The following ANO4 variants were observed in gnomAD, a reference collection of about 807,000 sequenced individuals.
ANO4 encodes the protein anoctamin 4, also known as anoctamin-4.
A neutral mutation model predicts 141.9 loss-of-function variants in ANO4; 69 were observed. The observed-to-expected ratio is 0.49, with a 90% CI of 0.40 to 0.59. The LOEUF (loss-of-function observed/expected upper bound fraction) is 0.59, where lower values mean the gene tolerates loss of function less well. Among genes scored for constraint, ANO4 ranks in the 20% least tolerant of loss-of-function variants. The probability of loss-of-function intolerance (pLI) is 0.00; values close to 1 mark genes in which losing one functional copy is unlikely to be tolerated. For missense variants in ANO4, 894 were observed against 1,162.2 expected, an observed-to-expected ratio of 0.77 and a Z score of 3.36; for synonymous variants, 350 against 394.3, an observed-to-expected ratio of 0.89 and a Z score of 1.33.
chr12:100,746,453 T>TAAAAAAAAAAAAA (rs58996492), intron 3 of ANO4, among the ~76,000 whole-genome samples: 62 of 146,910 alleles, frequency 4.2e-4, no homozygotes, highest in Non-Finnish European at 7.6e-4. Context: ...ACTCTGTTAT[T>TAAAAAAAAAAAAA]AAAAAGAATG....
chr12:100,839,179 T>C (rs1331850062), intron 1 of ANO4, among the ~76,000 whole-genome samples: 1 of 152,182 alleles, frequency 6.6e-6, no homozygotes, highest in Non-Finnish European at 1.5e-5. Flanking sequence ...CAGGCCGTAA[T>C]TGTGATATCA....
At chr12:101,107,301 C>T (rs2050487102) in intron 22 of ANO4, among the ~76,000 whole-genome samples, 2 of 152,122 alleles carry the variant, frequency 1.3e-5, no homozygotes. Flanking sequence ...ACACAAAACC[C>T]CTGTAGTGAG....
chr12:100,942,383 C>A lies in ANO4; in HGVS notation c.304C>A (p.Pro102Thr). The change falls in exon 5 of 28, where the codon CCA becomes ACA. Residue 102 changes from proline (P) to threonine (T), a missense_variant. Coordinates refer to ENST00000392977, the MANE Select transcript of ANO4 (RefSeq NM_001286615.2). Reference protein sequence around the residue: ...SRLEAGGETVPERNKSNGLYF... With the variant: ...SRLEAGGETVTERNKSNGLYF... ...CCTTTCTCTTTGTGTGCAGACAGTG[C>A]CAGAAAGAAACAAATCAAATGGACT... 1 of 1,613,234 alleles carries A rather than the reference C, an allele frequency of 6.2e-7. No homozygotes were observed. The highest frequency in any genetic ancestry group is 8.5e-7 in the Non-Finnish European group (1 of 1,179,624).
intron 2 of ANO4, among the ~76,000 whole-genome samples, chr12:100,905,783 G>A (rs1192171160): frequency 1.3e-5 from 2 of 152,148 alleles, no homozygotes; most frequent in African/African-American, 4.8e-5. Context: ...TTCAAGAGAG[G>A]GGAGAATTTG....
intron 5 of ANO4, among the ~76,000 whole-genome samples, chr12:100,970,192 T>C (rs924132052): frequency 3.3e-5 from 5 of 152,238 alleles, no homozygotes; most frequent in African/African-American, 9.6e-5. Flanking sequence ...CTTTTGCTTT[T>C]GCCTGGATGA....
chr12:100,980,819 C>T (rs530337021), intron 7 of ANO4, among the ~76,000 whole-genome samples: 10 of 152,154 alleles, frequency 6.6e-5, no homozygotes, highest in African/African-American at 2.2e-4. Context: ...TCTTTCTTAT[C>T]TTTGGACAGG....
intron 7 of ANO4, among the ~76,000 whole-genome samples, chr12:100,981,585 CATG>C (rs1173230862): frequency 6.6e-6 from 1 of 152,152 alleles, no homozygotes; most frequent in Non-Finnish European, 1.5e-5. Context: ...CTGTTAGAAA[CATG>C]ATGCTATTAT....
At chr12:101,042,218 C>G in intron 11 of ANO4, 116 bp from the exon 12 acceptor site, 2 of 1,308,040 alleles carry the variant, frequency 1.5e-6, no homozygotes, top group East Asian at 4.9e-5. Context: ...CTTGGCTTAC[C>G]TTGCTTGCAG....
At chr12:101,029,886 G>A (rs182467715) in intron 9 of ANO4, among the ~76,000 whole-genome samples, 3 of 118,420 alleles carry the variant, frequency 2.5e-5, no homozygotes, top group East Asian at 5.2e-4. Flanking sequence ...CTCCAACCTC[G>A]TGAAAGAGCA....
At chr12:100,733,398 T>C (rs1287337701) in intron 1 of ANO4, among the ~76,000 whole-genome samples, 1 of 152,182 alleles carries the variant, frequency 6.6e-6, no homozygotes, top group Non-Finnish European at 1.5e-5. Context: ...CATTAGGATG[T>C]TAAATTTCCT....
chr12:100,871,808 C>A (rs1319838479), intron 1 of ANO4, among the ~76,000 whole-genome samples: 1 of 152,122 alleles, frequency 6.6e-6, no homozygotes. Context: ...TAATTCCATT[C>A]TTGGTTTGGG....
At chr12:100,728,997 G>A (rs1490281084) in intron 1 of ANO4, among the ~76,000 whole-genome samples, 4 of 145,848 alleles carry the variant, frequency 2.7e-5, no homozygotes, top group African/African-American at 1.0e-4. Flanking sequence ...CTTCTTCCCC[G>A]TCAGTGGAAC....
chr12:100,951,454 T>C (rs1316636584), intron 5 of ANO4, among the ~76,000 whole-genome samples: 1 of 152,188 alleles, frequency 6.6e-6, no homozygotes, highest in Non-Finnish European at 1.5e-5. Context: ...CAATGGCAGA[T>C]TGGATAAAGA....
intron 1 of ANO4, among the ~76,000 whole-genome samples, chr12:100,845,606 GTC>G (rs1450454288): frequency 2.0e-5 from 3 of 152,060 alleles, no homozygotes; most frequent in Non-Finnish European, 4.4e-5. Context: ...TGGTACATAT[GTC>G]TGTATCTATG....
rs565344135 is a variant in ANO4 at position 100,799,613 on chromosome 12, C to T, written c.-141+4586C>T. On this transcript the variant is annotated intron_variant, in intron 1 of 27. Transcript: ENST00000392977. ...AAAATTAGCTGGGCATGGTGGGGCG[C>T]GCCTGTAATCCCAGCTACTCAGGAG... Among the ~76,000 whole-genome samples the T allele has an allele frequency of 5.7e-4, 87 of 152,100 alleles. 2 individuals are homozygous for T. Among genetic ancestry groups the T allele is most frequent in the African/African-American group, 1.8e-3 (76 of 41,492 alleles).
At chr12:100,722,304 A>G (rs780026872) in intron 1 of ANO4, among the ~76,000 whole-genome samples, 30 of 152,120 alleles carry the variant, frequency 2.0e-4, no homozygotes, top group Non-Finnish European at 3.5e-4. Flanking sequence ...CTCTGCTTCT[A>G]GTCCTGGCTT....
intron 25 of ANO4, 149 bp downstream of exon 25, chr12:101,116,947 A>G: frequency 5.1e-6 from 6 of 1,165,940 alleles, no homozygotes; most frequent in Non-Finnish European, 7.2e-6. Context: ...AGAATTTTCA[A>G]GCCTTCTCTT....
At chr12:100,756,077 C>T (rs1238896804) in intron 3 of ANO4, among the ~76,000 whole-genome samples, 1 of 152,112 alleles carries the variant, frequency 6.6e-6, no homozygotes, top group African/African-American at 2.4e-5. Context: ...GTGTCAGATA[C>T]ATTTTTCTTA....
chr12:100,771,440 C>CA (rs1251376182), intron 3 of ANO4, among the ~76,000 whole-genome samples: 16 of 152,166 alleles, frequency 1.1e-4, no homozygotes, highest in African/African-American at 3.6e-4. Context: ...CTACTTACTG[C>CA]AATAGTGTAA....
Sources: allele counts gnomAD v4.1 joint callset (sites outside exome capture counted in the v4.1 genomes callset), GRCh38; gene constraint gnomAD v4.1.1; transcripts MANE v1.5; gene names NCBI Gene and HGNC (gene_info 2026-07-23, HGNC 2026-07-21).